The following NAV2 variants were observed in gnomAD, a reference collection of about 807,000 sequenced individuals.
NAV2 encodes helicase, APC down-regulated 1.
NAV2 carries 54 observed loss-of-function variants against 223.2 expected under a neutral mutation model. The observed-to-expected ratio is 0.24, with a 90% confidence interval of 0.19 to 0.30. The LOEUF (loss-of-function observed/expected upper bound fraction) is 0.30. Among genes scored for constraint, NAV2 ranks in the 10% least tolerant of loss-of-function variants. The probability of loss-of-function intolerance (pLI) is 1.00; values close to 1 mark genes in which losing one functional copy is unlikely to be tolerated. For synonymous variants in NAV2, 1,279 were observed against 1,239.3 expected (o/e 1.03, Z -0.67); for missense variants, 2,806 against 3,147.5 (o/e 0.89, Z 2.60).
chr11:19,368,189 C>T (rs535515664), intron 1 of NAV2, among the ~76,000 whole-genome samples: 1 of 152,300 alleles, frequency 6.6e-6, no homozygotes, highest in East Asian at 1.9e-4. Context: ...TTCATGCACC[C>T]TCAATGTCCA....
chr11:20,040,981 A>C (rs1034381083), intron 12 of NAV2, among the ~76,000 whole-genome samples: 2 of 152,070 alleles, frequency 1.3e-5, no homozygotes, highest in South Asian at 2.1e-4. Flanking sequence ...TGGCTGGATG[A>C]TTGTTCTTTC....
intron 1 of NAV2, among the ~76,000 whole-genome samples, chr11:19,469,436 G>C (rs2041891749): frequency 6.6e-6 from 1 of 152,198 alleles, no homozygotes. Context: ...GCACAACTGG[G>C]TGGGAAAATC....
chr11:19,805,994 A>G (rs1189502592), intron 1 of NAV2, among the ~76,000 whole-genome samples: 2 of 152,222 alleles, frequency 1.3e-5, no homozygotes, highest in Non-Finnish European at 2.9e-5. Flanking sequence ...GAATTTCACT[A>G]CAGAGGTTTT....
intron 12 of NAV2, 75 bp from the exon 13 acceptor site, chr11:20,043,906 A>AT: frequency 6.9e-7 from 1 of 1,458,018 alleles, no homozygotes; most frequent in Non-Finnish European, 9.4e-7. Flanking sequence ...GTGTTTTGGC[A>AT]TTTTTGCCTT....
At chr11:19,999,784 G>A (rs750957785) in intron 11 of NAV2, among the ~76,000 whole-genome samples, 4 of 152,234 alleles carry the variant, frequency 2.6e-5, no homozygotes, top group Non-Finnish European at 5.9e-5. Context: ...GGGCTGCTGT[G>A]AAGATTAAAT....
chr11:19,750,101 G>C (rs1188836313), intron 1 of NAV2, among the ~76,000 whole-genome samples: 1 of 152,134 alleles, frequency 6.6e-6, no homozygotes, highest in Non-Finnish European at 1.5e-5. Context: ...TTTCTCTAAC[G>C]AACCTCTTCG....
intron 1 of NAV2, among the ~76,000 whole-genome samples, chr11:19,485,644 G>A (rs149697416): frequency 6.6e-6 from 1 of 152,126 alleles, no homozygotes; most frequent in Admixed American, 6.5e-5. Flanking sequence ...ATGCCCATTA[G>A]GTTAAATTTT....
At chr11:19,747,124 A>G (rs1022663096) in intron 1 of NAV2, among the ~76,000 whole-genome samples, 2 of 129,064 alleles carry the variant, frequency 1.5e-5, no homozygotes, top group African/African-American at 5.7e-5. Context: ...ATTCCCACCT[A>G]TGAGTGAGAA....
At chr11:19,583,223 A>G (rs960383992) in intron 1 of NAV2, among the ~76,000 whole-genome samples, 2 of 152,154 alleles carry the variant, frequency 1.3e-5, no homozygotes, top group Non-Finnish European at 2.9e-5. Flanking sequence ...TTGCACATTG[A>G]TTTTGTATCC....
intron 20 of NAV2, among the ~76,000 whole-genome samples, chr11:20,066,251 T>G (rs1049988517): frequency 6.6e-6 from 1 of 152,206 alleles, no homozygotes; most frequent in African/African-American, 2.4e-5. Context: ...AAATAGTGCC[T>G]GGCACACAGT....
chr11:19,714,291 G>A, intron 1 of NAV2: 1 of 560,178 alleles, frequency 1.8e-6, no homozygotes. Flanking sequence ...GCATGTTGAG[G>A]TCTTGGCCCC....
At chr11:19,525,778 G>A (rs376117700) in intron 1 of NAV2, among the ~76,000 whole-genome samples, 2 of 152,104 alleles carry the variant, frequency 1.3e-5, no homozygotes, top group East Asian at 1.9e-4. Context: ...AATGCCTCCT[G>A]GAGATAACCT....
chr11:19,811,347 C>A (rs1428931537), intron 1 of NAV2, among the ~76,000 whole-genome samples: 1 of 152,068 alleles, frequency 6.6e-6, no homozygotes, highest in Non-Finnish European at 1.5e-5. Context: ...TTTAGAGTGT[C>A]ACCCAGGCCT....
At chr11:19,884,180 G>A (rs565987607) in intron 5 of NAV2, 182 of 710,676 alleles carry the variant, frequency 2.6e-4, no homozygotes, top group Non-Finnish European at 3.9e-4. Context: ...AGTGGGCAGG[G>A]GGGGAAAGAA....
chr11:20,106,184 T>TGTGTGTGTGTATATATATATAC (rs2062058434), intron 35 of NAV2, among the ~76,000 whole-genome samples: 1 of 24,516 alleles, frequency 4.1e-5, no homozygotes, highest in East Asian at 2.3e-3. Context: ...TATGTGTGTG[T>TGTGTGTGTGTATATATATATAC]ATATATATAT....
intron 26 of NAV2, among the ~76,000 whole-genome samples, chr11:20,085,568 G>A (rs964036944): frequency 6.6e-6 from 1 of 152,226 alleles, no homozygotes; most frequent in African/African-American, 2.4e-5. Flanking sequence ...GAGCCACTGG[G>A]TTAGTTTCAG....
At chr11:19,601,119 A>T (rs1466432732) in intron 1 of NAV2, among the ~76,000 whole-genome samples, 2 of 152,190 alleles carry the variant, frequency 1.3e-5, no homozygotes, top group African/African-American at 4.8e-5. Flanking sequence ...CAGTGTCTGG[A>T]TGGGTGTCAG....
intron 1 of NAV2, among the ~76,000 whole-genome samples, chr11:19,643,575 T>G (rs1192588038): frequency 6.6e-6 from 1 of 152,186 alleles, no homozygotes; most frequent in Non-Finnish European, 1.5e-5. Flanking sequence ...TGTTGGACAT[T>G]AGGGTTGGTT....
intron 6 of NAV2, among the ~76,000 whole-genome samples, chr11:19,913,696 T>G (rs1365175654): frequency 6.6e-6 from 1 of 152,218 alleles, no homozygotes; most frequent in Non-Finnish European, 1.5e-5. Flanking sequence ...GATCTGCTAC[T>G]AATTCAGAGT....
Sources: gnomAD v4.1 joint callset for allele counts (sites outside exome capture counted in the v4.1 genomes callset) on GRCh38, gnomAD v4.1.1 for gene constraint, MANE v1.5 for transcripts, NCBI Gene and HGNC (gene_info 2026-07-23, HGNC 2026-07-21) for gene names.